OXR1: variants seen among roughly 807,000 people sequenced by gnomAD.
OXR1 encodes the protein oxidation resistance protein 1.
In OXR1, 41 loss-of-function variants were observed where a neutral mutation model predicts 104.6. The ratio of observed to expected loss-of-function variants is 0.39; its 90% CI spans 0.31 to 0.51. The LOEUF (loss-of-function observed/expected upper bound fraction) is 0.51. Ranked by LOEUF, OXR1 falls within the 20% of genes least tolerant of loss-of-function variation. The probability of loss-of-function intolerance (pLI) is 0.77; values close to 1 mark genes in which losing one functional copy is unlikely to be tolerated. For synonymous variants in OXR1, 348 were observed against 348.4 expected (o/e 1.00, Z 0.01); for missense variants, 955 against 1,031.9 (o/e 0.93, Z 1.02).
chr8:106,396,053 C>T (rs1017106160), intron 2 of OXR1, among the ~76,000 whole-genome samples: 1 of 151,950 alleles, frequency 6.6e-6, no homozygotes, highest in Admixed American at 6.6e-5. Context: ...AAACAAATGT[C>T]CATGAGTTCC....
chr8:106,668,520 A>G (rs16875002), intron 3 of OXR1, among the ~76,000 whole-genome samples: 18,780 of 152,188 alleles, frequency 0.12, 1,460 homozygotes, highest in East Asian at 0.34. Context: ...CAGCCACTAT[A>G]TGGAAGATCT....
chr8:106,405,076 C>A (rs1247482954), intron 2 of OXR1, among the ~76,000 whole-genome samples: 3 of 150,086 alleles, frequency 2.0e-5, no homozygotes, highest in African/African-American at 7.3e-5. Context: ...GCTTTCTTCA[C>A]TTCTGAAGAG....
chr8:106,490,221 T>C (rs1018761349), intron 2 of OXR1, among the ~76,000 whole-genome samples: 4 of 152,174 alleles, frequency 2.6e-5, no homozygotes, highest in Admixed American at 1.3e-4. Context: ...GCTTAAAGTA[T>C]TTGAAAGCCA....
In OXR1 at chr8:106,752,023, G is replaced by A. The variant is rs1835919602; in HGVS notation, c.*1082G>A. On this transcript the variant is annotated 3_prime_UTR_variant, in exon 17 of 17. Coordinates refer to ENST00000517566, the MANE Select transcript of OXR1 (RefSeq NM_001198533.2). ...TGTCAAGTGACCTCAAAAAAAAAAT[G>A]AAAAGATAGAATACACTAGTAGTTC... The A allele has an allele frequency of 6.6e-6, 1 of 152,348 alleles. No homozygotes were observed. The highest frequency in any genetic ancestry group is 2.4e-5 in the African/African-American group (1 of 41,406). The allele number at this position is 152,348 out of a possible 1,614,324, so 9.4% of individuals were successfully genotyped here.
chr8:106,520,755 C>T (rs77971673), intron 3 of OXR1, among the ~76,000 whole-genome samples: 2,184 of 152,342 alleles, frequency 0.014, 46 homozygotes, highest in East Asian at 0.11. Flanking sequence ...TCCTCTGCAA[C>T]ATGTCTGTCG....
intron 2 of OXR1, among the ~76,000 whole-genome samples, chr8:106,412,808 T>C (rs780820964): frequency 3.2e-4 from 48 of 152,142 alleles, no homozygotes; most frequent in Non-Finnish European, 6.0e-4. Flanking sequence ...GTATTATTTA[T>C]AGAATCAGAA....
chr8:106,452,999 A>G (rs1316750539), intron 2 of OXR1, among the ~76,000 whole-genome samples: 1 of 152,108 alleles, frequency 6.6e-6, no homozygotes, highest in Non-Finnish European at 1.5e-5. Context: ...ATTGCCCCAA[A>G]TGTGCTCTGC....
At chr8:106,571,557 G>A (rs750295256) in intron 3 of OXR1, among the ~76,000 whole-genome samples, 9 of 152,108 alleles carry the variant, frequency 5.9e-5, no homozygotes, top group Non-Finnish European at 1.2e-4. Context: ...TTCCTCCCCT[G>A]ACCTTCCAAA....
chr8:106,577,551 G>A (rs1449062244), intron 3 of OXR1, among the ~76,000 whole-genome samples: 3 of 151,628 alleles, frequency 2.0e-5, no homozygotes, highest in Admixed American at 6.6e-5. Context: ...CACCACGCCC[G>A]GCTAATTTTT....
chr8:106,332,820 GTCTCTATGGATTTGCTTATCCTA>G (rs1814778056), intron 1 of OXR1, among the ~76,000 whole-genome samples: 1 of 151,868 alleles, frequency 6.6e-6, no homozygotes, highest in East Asian at 1.9e-4. Flanking sequence ...TCTACTTTCT[GTCTCTATGGATTTGCTTATCCTA>G]TCTCTATGGA....
chr8:106,355,721 T>C (rs1815939736), intron 1 of OXR1, among the ~76,000 whole-genome samples: 1 of 152,096 alleles, frequency 6.6e-6, no homozygotes, highest in Non-Finnish European at 1.5e-5. Context: ...TTTTAATTTT[T>C]GGTGTCATCA....
chr8:106,338,661 G>C (rs1815067309), intron 1 of OXR1, among the ~76,000 whole-genome samples: 1 of 151,794 alleles, frequency 6.6e-6, no homozygotes, highest in African/African-American at 2.4e-5. Flanking sequence ...CCCAGTGGGA[G>C]CTCTCATTCT....
At chr8:106,297,906 A>T (rs1398153378) in intron 1 of OXR1, among the ~76,000 whole-genome samples, 2 of 152,230 alleles carry the variant, frequency 1.3e-5, no homozygotes, top group African/African-American at 2.4e-5. Flanking sequence ...ATATGGAGCA[A>T]ATGTTTAACA....
chr8:106,720,148 T>C (rs1464603129), intron 11 of OXR1, among the ~76,000 whole-genome samples: 4 of 152,174 alleles, frequency 2.6e-5, no homozygotes, highest in African/African-American at 9.7e-5. Context: ...GCTAAAATTC[T>C]CTTAGTGGTT....
intron 2 of OXR1, among the ~76,000 whole-genome samples, chr8:106,384,653 T>G (rs534758594): frequency 6.6e-6 from 1 of 152,274 alleles, no homozygotes; most frequent in African/African-American, 2.4e-5. Context: ...GATGGAAATT[T>G]CCAGTTATCT....
At chr8:106,306,188 G>A (rs2130111969) in intron 1 of OXR1, among the ~76,000 whole-genome samples, 1 of 152,140 alleles carries the variant, frequency 6.6e-6, no homozygotes, top group African/African-American at 2.4e-5. Flanking sequence ...CCTGATGGCT[G>A]GGGCAATATT....
intron 3 of OXR1, among the ~76,000 whole-genome samples, chr8:106,554,161 C>A (rs1816084241): frequency 6.6e-6 from 1 of 152,132 alleles, no homozygotes; most frequent in Non-Finnish European, 1.5e-5. Flanking sequence ...TAGATGGATG[C>A]TTGTAATAAG....
At chr8:106,330,537 G>A (rs1235083800) in intron 1 of OXR1, among the ~76,000 whole-genome samples, 1 of 152,164 alleles carries the variant, frequency 6.6e-6, no homozygotes, top group Non-Finnish European at 1.5e-5. Flanking sequence ...TTATTTCTAG[G>A]GTTATTAGAG....
At chr8:106,634,561 C>T (rs902812043) in intron 3 of OXR1, among the ~76,000 whole-genome samples, 1 of 152,076 alleles carries the variant, frequency 6.6e-6, no homozygotes, top group African/African-American at 2.4e-5. Context: ...AGAAATATGA[C>T]TGTAGAGCCC....
Sources: gnomAD v4.1 joint callset for allele counts (sites outside exome capture counted in the v4.1 genomes callset) on GRCh38, gnomAD v4.1.1 for gene constraint, MANE v1.5 for transcripts, NCBI Gene and HGNC (gene_info 2026-07-23, HGNC 2026-07-21) for gene names.